Variants in PRELID2 observed in about 807,000 individuals in gnomAD.
PRELID2 encodes the protein PRELI domain-containing protein 2.
PRELID2 carries 25 observed loss-of-function variants against 28.4 expected under a neutral mutation model. The ratio of observed to expected loss-of-function variants is 0.88; its 90% CI spans 0.64 to 1.23. The LOEUF (loss-of-function observed/expected upper bound fraction) is 1.23, where lower values mean the gene tolerates loss of function less well. PRELID2 is among the 50% of genes most tolerant of loss of function. The probability of loss-of-function intolerance (pLI) is 0.00; values close to 1 mark genes in which losing one functional copy is unlikely to be tolerated. For missense variants in PRELID2, 201 were observed against 214.4 expected, an observed-to-expected ratio of 0.94 and a Z score of 0.39; for synonymous variants, 76 against 71.6, an observed-to-expected ratio of 1.06 and a Z score of -0.31.
At chr5:145,820,436 A>C (rs572991058) in intron 2 of PRELID2, among the ~76,000 whole-genome samples, 1 of 152,102 alleles carries the variant, frequency 6.6e-6, no homozygotes, top group African/African-American at 2.4e-5. Flanking sequence ...GCTCTGGACT[A>C]TCCGTGTCAG....
At chr5:145,627,526 T>C (rs1030614360) in intron 1 of PRELID2, among the ~76,000 whole-genome samples, 2 of 152,038 alleles carry the variant, frequency 1.3e-5, no homozygotes, top group Non-Finnish European at 2.9e-5. Flanking sequence ...GAACTAACCA[T>C]CTCTCACAAC....
chr5:145,376,369 T>C, the PRELID2 span, among the ~76,000 whole-genome samples: 1 of 152,186 alleles, frequency 6.6e-6, no homozygotes, highest in Non-Finnish European at 1.5e-5. Context: ...TTTTCTGTTA[T>C]GTCTTTGCCA....
chr5:145,431,673 T>C, the PRELID2 span, among the ~76,000 whole-genome samples: 1 of 152,124 alleles, frequency 6.6e-6, no homozygotes. Context: ...CAAAGACAAA[T>C]TAAGAAACGT....
chr5:145,368,958 C>G, the PRELID2 span, among the ~76,000 whole-genome samples: 52 of 151,886 alleles, frequency 3.4e-4, no homozygotes, highest in African/African-American at 1.2e-3. Flanking sequence ...GATCATCTCC[C>G]TCTTCACACC....
intron 1 of PRELID2, among the ~76,000 whole-genome samples, chr5:145,563,500 C>T (rs1752940924): frequency 6.6e-6 from 1 of 152,184 alleles, no homozygotes; most frequent in Non-Finnish European, 1.5e-5. Flanking sequence ...TCCTGCTCAA[C>T]CTTAAACTTT....
chr5:145,250,788 C>T, the PRELID2 span, among the ~76,000 whole-genome samples: 41 of 152,086 alleles, frequency 2.7e-4, no homozygotes, highest in African/African-American at 9.4e-4. Flanking sequence ...CTTGATAAAG[C>T]CAAACAAAAA....
chr5:145,241,547 C>G, the PRELID2 span, among the ~76,000 whole-genome samples: 1 of 151,968 alleles, frequency 6.6e-6, no homozygotes, highest in African/African-American at 2.4e-5. Context: ...CACATATTAT[C>G]TGTTTTTTAA....
chr5:145,832,201 T>A (rs1755637525), intron 1 of PRELID2, among the ~76,000 whole-genome samples: 1 of 152,162 alleles, frequency 6.6e-6, no homozygotes, highest in Non-Finnish European at 1.5e-5. Context: ...TGTTTTTGTT[T>A]TTGAGATGAA....
Position 145,624,633 on chromosome 5 carries a change from T to C in PRELID2, n.70+140298A>G, listed in dbSNP as rs1372621410. Among the ~76,000 whole-genome samples the C allele has an allele frequency of 2.6e-5, 4 of 152,342 alleles. No individual in the cohort carries two copies. In the East Asian group the frequency reaches 7.7e-4, roughly 29 times the overall value. ...AGGCTTGAAGTAAGAAACAAAACTGTAAAGCTTTTATAAGAAAATAGAGAA... is the reference window on the plus strand; with the variant it reads ...AGGCTTGAAGTAAGAAACAAAACTGCAAAGCTTTTATAAGAAAATAGAGAA... On this transcript the variant is annotated intron_variant and non_coding_transcript_variant, in intron 1 of 2. Transcript: ENST00000510259.
intron 5 of PRELID2, among the ~76,000 whole-genome samples, chr5:145,790,721 G>GTGTGTGTGTGTGTGTGTATATA (rs772901344): frequency 9.0e-6 from 1 of 110,910 alleles, no homozygotes; most frequent in African/African-American, 3.1e-5. Flanking sequence ...GTGTGTGTGT[G>GTGTGTGTGTGTGTGTGTATATA]TATATATATA....
At chr5:145,443,310 T>C in the PRELID2 span, among the ~76,000 whole-genome samples, 6,209 of 152,184 alleles carry the variant, frequency 0.041, 192 homozygotes, top group South Asian at 0.14. Context: ...TCATGTTTTA[T>C]ACCCTGACAG....
At chr5:145,779,431 C>A (rs191663821) in intron 5 of PRELID2, among the ~76,000 whole-genome samples, 1 of 151,760 alleles carries the variant, frequency 6.6e-6, no homozygotes, top group Admixed American at 6.6e-5. Flanking sequence ...ATGTTCAATA[C>A]TAAAGGGCAA....
chr5:145,423,196 A>T, the PRELID2 span, among the ~76,000 whole-genome samples: 1 of 151,526 alleles, frequency 6.6e-6, no homozygotes, highest in Admixed American at 6.6e-5. Flanking sequence ...ACTTTGGTGA[A>T]TCTGACAATT....
chr5:145,466,667 T>C, the PRELID2 span, among the ~76,000 whole-genome samples: 1 of 152,162 alleles, frequency 6.6e-6, no homozygotes, highest in Non-Finnish European at 1.5e-5. Context: ...CAAGAACACA[T>C]TGTCCCTTGA....
At chr5:145,431,011 T>TTG in the PRELID2 span, among the ~76,000 whole-genome samples, 1 of 139,204 alleles carries the variant, frequency 7.2e-6, no homozygotes, top group Admixed American at 7.0e-5. Flanking sequence ...CAATGGTTTT[T>TTG]TTTTTTTTTT....
the PRELID2 span, among the ~76,000 whole-genome samples, chr5:145,395,747 A>T: frequency 6.6e-6 from 1 of 152,184 alleles, no homozygotes; most frequent in African/African-American, 2.4e-5. Flanking sequence ...AAAAAAACAA[A>T]AAAGACAGGA....
chr5:145,524,867 C>A (rs557823407), intron 1 of PRELID2, among the ~76,000 whole-genome samples: 1 of 152,162 alleles, frequency 6.6e-6, no homozygotes, highest in South Asian at 2.1e-4. Context: ...GAAATAATAC[C>A]TATCTCACGG....
At chr5:145,293,768 G>T in the PRELID2 span, among the ~76,000 whole-genome samples, 1 of 152,184 alleles carries the variant, frequency 6.6e-6, no homozygotes, top group Non-Finnish European at 1.5e-5. Context: ...AAGCATAATA[G>T]TGAAGTTAGA....
intron 1 of PRELID2, among the ~76,000 whole-genome samples, chr5:145,596,749 G>C (rs1046392371): frequency 1.3e-5 from 2 of 152,132 alleles, no homozygotes; most frequent in African/African-American, 4.8e-5. Flanking sequence ...TTGACTTTAA[G>C]AGAAGTCAGT....
Sources: gnomAD v4.1 joint callset for allele counts (sites outside exome capture counted in the v4.1 genomes callset) on GRCh38, gnomAD v4.1.1 for gene constraint, MANE v1.5 for transcripts, NCBI Gene and HGNC (gene_info 2026-07-23, HGNC 2026-07-21) for gene names.